AK9: variants seen among roughly 807,000 people sequenced by gnomAD.
AK9 encodes adenylate kinase 9, also known as adenylate kinase domain containing 1.
AK9 carries 191 observed loss-of-function variants against 239.6 expected under a neutral mutation model. The observed-to-expected ratio is 0.80, with a 90% CI of 0.71 to 0.90. AK9 has a LOEUF of 0.90. Ranked by LOEUF, AK9 falls within the 40% of genes least tolerant of loss-of-function variation. AK9 has a pLI of 0.00. For synonymous variants in AK9, 689 were observed against 721.0 expected (o/e 0.96, Z 0.71); for missense variants, 1,995 against 2,214.7 (o/e 0.90, Z 1.99).
intron 8 of AK9, among the ~76,000 whole-genome samples, chr6:109,653,163 G>A (rs975321142): frequency 1.3e-5 from 2 of 152,162 alleles, no homozygotes; most frequent in Admixed American, 6.5e-5. Context: ...CTGACTTCAG[G>A]TGATCCACCC....
intron 21 of AK9, among the ~76,000 whole-genome samples, chr6:109,569,143 G>A (rs746272948): frequency 1.3e-5 from 2 of 152,128 alleles, no homozygotes; most frequent in Admixed American, 6.5e-5. Context: ...ACAACCATCT[G>A]ATCTTTGACA....
rs112976558 is a variant in AK9, at chr6:109,674,116, C to T, written c.181+82G>A. 55 of 1,101,328 alleles carry T rather than the reference C, an allele frequency of 5.0e-5. No homozygotes were observed. The African/African-American group carries it at 7.5e-4, about 15-fold the overall frequency. 68.2% of individuals were successfully genotyped at this position (1,101,328 alleles called of 1,614,324 possible). A position where few individuals can be genotyped will look rare whatever the true frequency, so the allele number is the denominator to read the frequency against. On this transcript the variant is annotated intron_variant, in intron 3 of 40. Coordinates refer to ENST00000424296, the MANE Select transcript of AK9 (RefSeq NM_001145128.3). The stretch of plus-strand genomic sequence containing the variant: ...AGACTCTAGATGGTGAGTATATGGG[C>T]ATTCACTGTATAATTATCTCCATTT...
Position 109,579,534 on chromosome 6 carries a change from A to G in AK9, c.2191+16T>C. The G allele has an allele frequency of 1.9e-6, 3 of 1,546,464 alleles. No individual in the cohort carries two copies. The highest frequency in any genetic ancestry group is 2.6e-6 in the Non-Finnish European group (3 of 1,142,876). Reference sequence around the variant, plus strand: ...AATACCATGACACATCATCAGTCATAGCAATCTGTGCTTGCCTTTTGCCTT... The same window carrying G: ...AATACCATGACACATCATCAGTCATGGCAATCTGTGCTTGCCTTTTGCCTT... On this transcript the variant is annotated intron_variant, in intron 20 of 40. Coordinates refer to ENST00000424296, the MANE Select transcript of AK9 (RefSeq NM_001145128.3).
At chr6:109,533,164 C>A in intron 28 of AK9, 87 bp downstream of exon 28, 1 of 963,306 alleles carries the variant, frequency 1.0e-6, no homozygotes, top group African/African-American at 1.7e-5. Context: ...AATTAGAATA[C>A]TATATTTTTT....
chr6:109,599,064 A>G (rs966297470), intron 17 of AK9, among the ~76,000 whole-genome samples: 2 of 152,112 alleles, frequency 1.3e-5, no homozygotes, highest in Non-Finnish European at 2.9e-5. Flanking sequence ...GCTGGGCAGA[A>G]GCTCTTTAGT....
intron 16 of AK9, among the ~76,000 whole-genome samples, chr6:109,610,827 C>G (rs1793495014): frequency 1.3e-5 from 2 of 152,036 alleles, no homozygotes; most frequent in South Asian, 4.2e-4. Context: ...TTCCAGGAAT[C>G]AAGTGAAAGC....
At chr6:109,621,222 C>A (rs1480365187) in intron 12 of AK9, among the ~76,000 whole-genome samples, 1 of 106,988 alleles carries the variant, frequency 9.3e-6, no homozygotes, top group Non-Finnish European at 1.9e-5. Flanking sequence ...GAATGGCAAT[C>A]ATTAAAAAGT....
At position 109,516,437 on chromosome 6, in the gene AK9, A is replaced by G; in HGVS notation, c.3839T>C (p.Ile1280Thr). 6.4e-7 allele frequency: 1 copy of G among 1,550,390 alleles called. No homozygotes were observed. Among genetic ancestry groups the G allele is most frequent in the Non-Finnish European group, 8.7e-7 (1 of 1,146,474 alleles). The change falls in exon 30 of 41, where the codon ATA becomes ACA. Residue 1280 changes from isoleucine to threonine, a missense_variant. Coordinates refer to ENST00000424296, the MANE Select transcript of AK9 (RefSeq NM_001145128.3). The stretch of plus-strand genomic sequence containing the variant: ...CAAAGGAAAAGTAATAACCTGTATT[A>G]TTTGTAAATTATGTGTATCTGCTTC... ...KFEADTHNLQ[I>T]IQDELERYLI...
intron 3 of AK9, among the ~76,000 whole-genome samples, chr6:109,673,496 TA>T (rs1437661857): frequency 6.6e-6 from 1 of 152,020 alleles, no homozygotes; most frequent in African/African-American, 2.4e-5. Context: ...ATTTTTCTAT[TA>T]GGGCATAAAT....
chr6:109,598,663 T>C (rs1002025187), intron 17 of AK9, among the ~76,000 whole-genome samples: 1 of 152,244 alleles, frequency 6.6e-6, no homozygotes, highest in Admixed American at 6.5e-5. Flanking sequence ...TCTTCCACAA[T>C]GGTTGAACTA....
At chr6:109,586,996 C>T (rs944673751) in intron 17 of AK9, among the ~76,000 whole-genome samples, 9 of 151,756 alleles carry the variant, frequency 5.9e-5, no homozygotes, top group African/African-American at 1.5e-4. Context: ...TTTTTTTAGA[C>T]GAGGTCTTGC....
chr6:109,545,823 C>T, intron 26 of AK9, 44 bp downstream of exon 26: 2 of 1,557,356 alleles, frequency 1.3e-6, no homozygotes, highest in Non-Finnish European at 1.7e-6. Flanking sequence ...ACAATAACAA[C>T]AGCAAAAACA....
In AK9 at chr6:109,672,020, G is replaced by C; in HGVS notation, c.235-5C>G. On this transcript the variant is annotated splice_region_variant and splice_polypyrimidine_tract_variant and intron_variant, in intron 4 of 40. Transcript: ENST00000424296. ...GCTGATCAACATTGATTGCAACTAA[G>C]GACAAGCATAGATATTGTACATTAC... is the stretch of plus-strand genomic sequence containing the variant. 2.5e-6 allele frequency: 4 copies of C among 1,613,626 alleles called. No homozygotes were observed. Among genetic ancestry groups the C allele is most frequent in the Non-Finnish European group, 3.4e-6 (4 of 1,179,698 alleles).
intron 8 of AK9, among the ~76,000 whole-genome samples, chr6:109,647,657 A>ATTGAT (rs1475938109): frequency 6.6e-6 from 1 of 152,192 alleles, no homozygotes; most frequent in Non-Finnish European, 1.5e-5. Context: ...TTAACACCCC[A>ATTGAT]CTGTCAACAT....
intron 8 of AK9, among the ~76,000 whole-genome samples, chr6:109,655,482 T>G (rs1258578673): frequency 5.3e-5 from 8 of 152,232 alleles, no homozygotes; most frequent in African/African-American, 1.9e-4. Flanking sequence ...TCCAGTTTAT[T>G]GTCTTTTAGT....
chr6:109,690,237 T>G (rs1196824237), intron 1 of AK9, among the ~76,000 whole-genome samples: 1 of 152,224 alleles, frequency 6.6e-6, no homozygotes. Flanking sequence ...ATAGGATAGC[T>G]GCCTCTCCCC....
At chr6:109,683,915 A>G (rs563114013) in intron 1 of AK9, among the ~76,000 whole-genome samples, 157 of 152,310 alleles carry the variant, frequency 1.0e-3, no homozygotes, top group Middle Eastern at 6.8e-3. Flanking sequence ...CTTCATGTGG[A>G]ACCAAAAAGG....
intron 21 of AK9, among the ~76,000 whole-genome samples, chr6:109,570,952 G>T (rs1011518860): frequency 6.6e-6 from 1 of 152,068 alleles, no homozygotes; most frequent in Admixed American, 6.6e-5. Context: ...ACAGAAATGA[G>T]GGAATATCTT....
chr6:109,618,370 T>TC (rs1408153763), intron 13 of AK9, among the ~76,000 whole-genome samples: 1 of 145,616 alleles, frequency 6.9e-6, no homozygotes, highest in African/African-American at 2.5e-5. Context: ...CAAAAACCAA[T>TC]CAATGAACAT....
Sources: allele counts gnomAD v4.1 joint callset (sites outside exome capture counted in the v4.1 genomes callset), GRCh38; gene constraint gnomAD v4.1.1; transcripts MANE v1.5; gene names NCBI Gene and HGNC (gene_info 2026-07-23, HGNC 2026-07-21).